B3GALT1: variants seen among roughly 807,000 people sequenced by gnomAD.
B3GALT1 encodes beta-1,3-galactosyltransferase 1, also known as UDP-Gal:betaGlcNAc beta 1,3-galactosyltransferase, polypeptide 1.
A neutral mutation model predicts 23.2 loss-of-function variants in B3GALT1; 10 were observed. That is an observed-to-expected ratio of 0.43 (90% CI 0.27 to 0.73). The LOEUF (loss-of-function observed/expected upper bound fraction) is 0.73, where lower values mean the gene tolerates loss of function less well. B3GALT1 is among the 30% of genes least tolerant of loss of function. The pLI, the probability that B3GALT1 is intolerant of heterozygous loss-of-function variation, is 0.21. For missense variants in B3GALT1, 299 were observed against 405.4 expected, an observed-to-expected ratio of 0.74 and a Z score of 2.25; for synonymous variants, 156 against 141.5, an observed-to-expected ratio of 1.10 and a Z score of -0.73.
intron 2 of B3GALT1, among the ~76,000 whole-genome samples, chr2:167,628,983 G>A (rs1270452783): frequency 6.6e-6 from 1 of 151,588 alleles, no homozygotes; most frequent in Non-Finnish European, 1.5e-5. Flanking sequence ...AGCAATCTAG[G>A]TCAAGGTCAC....
At chr2:167,692,633 C>T (rs1252162532) in intron 3 of B3GALT1, among the ~76,000 whole-genome samples, 1 of 151,964 alleles carries the variant, frequency 6.6e-6, no homozygotes, top group East Asian at 1.9e-4. Context: ...AATTTTATGT[C>T]TTTCTTTGCA....
intron 3 of B3GALT1, among the ~76,000 whole-genome samples, chr2:167,804,171 G>T (rs909666758): frequency 1.3e-5 from 2 of 151,926 alleles, no homozygotes; most frequent in African/African-American, 4.8e-5. Context: ...TGTATTTTTA[G>T]TAGAGACGAG....
chr2:167,616,712 A>G (rs1009969829), intron 2 of B3GALT1, among the ~76,000 whole-genome samples: 2 of 152,044 alleles, frequency 1.3e-5, no homozygotes, highest in African/African-American at 2.4e-5. Context: ...AAATAAATAA[A>G]TAAATAACAA....
At chr2:167,720,397 A>T (rs1051919169) in intron 3 of B3GALT1, among the ~76,000 whole-genome samples, 4 of 152,216 alleles carry the variant, frequency 2.6e-5, no homozygotes, top group Non-Finnish European at 4.4e-5. Context: ...CATGGCAAAC[A>T]TCTGGACACT....
At chr2:167,663,206 G>A (rs1446893831) in intron 3 of B3GALT1, among the ~76,000 whole-genome samples, 17 of 148,114 alleles carry the variant, frequency 1.1e-4, no homozygotes, top group Admixed American at 3.4e-4. Flanking sequence ...GAGAATATGC[G>A]GTGTTTGGTT....
At chr2:167,678,302 C>G (rs1002011939) in intron 3 of B3GALT1, among the ~76,000 whole-genome samples, 1 of 152,156 alleles carries the variant, frequency 6.6e-6, no homozygotes, top group Non-Finnish European at 1.5e-5. Context: ...TTTAACAATT[C>G]TTCCTCATAA....
In B3GALT1 at chr2:167,385,488, T is replaced by TTGGTACC. The variant is rs1439253407; in HGVS notation, c.-511+92154_-511+92155insTGGTACC. 3.6e-3 allele frequency among the ~76,000 whole-genome samples: 547 copies of TTGGTACC among 152,326 alleles called. 1 individual carries two copies. Among genetic ancestry groups the TTGGTACC allele is most frequent in the Middle Eastern group, 0.017 (5 of 294 alleles). ...AGAGTACCCATTACTTGGTACATGC[T>TTGGTACC]CAGTAAATATTTGAATTTATTGTAT... On this transcript the variant is annotated intron_variant, in intron 1 of 4. Transcript: ENST00000392690.
intron 3 of B3GALT1, among the ~76,000 whole-genome samples, chr2:167,748,459 C>T (rs1213062962): frequency 6.6e-6 from 1 of 152,114 alleles, no homozygotes; most frequent in Non-Finnish European, 1.5e-5. Flanking sequence ...TGAAGCTTTT[C>T]CTGAGATTAT....
At chr2:167,382,099 A>G (rs931656888) in intron 1 of B3GALT1, among the ~76,000 whole-genome samples, 2 of 152,212 alleles carry the variant, frequency 1.3e-5, no homozygotes, top group African/African-American at 4.8e-5. Flanking sequence ...CAATAAATGC[A>G]GGATGTAATT....
At chr2:167,434,709 G>T (rs1698752803) in intron 1 of B3GALT1, among the ~76,000 whole-genome samples, 1 of 78,902 alleles carries the variant, frequency 1.3e-5, no homozygotes, top group East Asian at 3.0e-4. Context: ...ATCTATGAAT[G>T]ACCCCCCCCC....
intron 3 of B3GALT1, among the ~76,000 whole-genome samples, chr2:167,750,453 T>C (rs1687717758): frequency 6.6e-6 from 1 of 152,172 alleles, no homozygotes; most frequent in Non-Finnish European, 1.5e-5. Flanking sequence ...TCGTTTCTTC[T>C]AGAAGTCTTT....
chr2:167,695,695 A>G (rs901655429), intron 3 of B3GALT1, among the ~76,000 whole-genome samples: 1 of 152,198 alleles, frequency 6.6e-6, no homozygotes, highest in African/African-American at 2.4e-5. Context: ...TCAGAATCCA[A>G]ATTAAAGTCT....
intron 3 of B3GALT1, among the ~76,000 whole-genome samples, chr2:167,674,341 A>C (rs781140082): frequency 6.6e-6 from 1 of 152,172 alleles, no homozygotes; most frequent in African/African-American, 2.4e-5. Context: ...CCTGCTTCCT[A>C]TCCCATTATA....
chr2:167,728,130 T>C (rs1369533106), intron 3 of B3GALT1, among the ~76,000 whole-genome samples: 2 of 152,198 alleles, frequency 1.3e-5, no homozygotes, highest in African/African-American at 4.8e-5. Flanking sequence ...CTCATGCCTA[T>C]AATCTCAACA....
chr2:167,802,684 A>G (rs72880366), intron 3 of B3GALT1, among the ~76,000 whole-genome samples: 3,482 of 152,242 alleles, frequency 0.023, 50 homozygotes, highest in Non-Finnish European at 0.031. Flanking sequence ...TTATATCTCC[A>G]TCGTATTACA....
intron 3 of B3GALT1, among the ~76,000 whole-genome samples, chr2:167,811,308 T>C (rs981529942): frequency 2.0e-5 from 3 of 152,258 alleles, no homozygotes; most frequent in Non-Finnish European, 4.4e-5. Flanking sequence ...TTTCTCTTTC[T>C]ACTCATGGCA....
intron 4 of B3GALT1, among the ~76,000 whole-genome samples, chr2:167,867,151 C>T (rs1004235453): frequency 1.3e-4 from 20 of 152,296 alleles, no homozygotes; most frequent in African/African-American, 4.8e-4. Context: ...TGGTCTCGAT[C>T]TCCTGACCTC....
intron 2 of B3GALT1, among the ~76,000 whole-genome samples, chr2:167,602,234 A>G (rs1388315196): frequency 6.6e-6 from 1 of 152,200 alleles, no homozygotes; most frequent in African/African-American, 2.4e-5. Flanking sequence ...GAAAAATAGC[A>G]GGCAAATTGG....
chr2:167,303,682 C>CACACACACACACACACACACACACACAG (rs535369991), intron 1 of B3GALT1, among the ~76,000 whole-genome samples: 1 of 148,724 alleles, frequency 6.7e-6, no homozygotes, highest in East Asian at 2.1e-4. Context: ...CACACACACA[C>CACACACACACACACACACACACACACAG]AGAGAGAGAC....
Sources: gnomAD v4.1 joint callset for allele counts (sites outside exome capture counted in the v4.1 genomes callset) on GRCh38, gnomAD v4.1.1 for gene constraint, MANE v1.5 for transcripts, NCBI Gene and HGNC (gene_info 2026-07-23, HGNC 2026-07-21) for gene names.